PTPN3: variants seen among roughly 807,000 people sequenced by gnomAD.
The protein encoded by PTPN3 is tyrosine-protein phosphatase non-receptor type 3.
A neutral mutation model predicts 132.7 loss-of-function variants in PTPN3; 96 were observed. The ratio of observed to expected loss-of-function variants is 0.72; its 90% CI spans 0.61 to 0.86. PTPN3 has a LOEUF of 0.86. Among genes scored for constraint, PTPN3 ranks in the 40% least tolerant of loss-of-function variants. The pLI, the probability that PTPN3 is intolerant of heterozygous loss-of-function variation, is 0.00. For missense variants in PTPN3, 1,125 were observed against 1,159.6 expected (o/e 0.97, Z 0.43); for synonymous variants, 398 against 429.0 (o/e 0.93, Z 0.89).
At chr9:109,385,236 T>C (rs986815180) in intron 22 of PTPN3, among the ~76,000 whole-genome samples, 1 of 152,156 alleles carries the variant, frequency 6.6e-6, no homozygotes, top group African/African-American at 2.4e-5. Flanking sequence ...GGTGGTGTAG[T>C]GGAAAGAACA....
intron 1 of PTPN3, among the ~76,000 whole-genome samples, chr9:109,487,667 G>T (rs1255908640): frequency 6.6e-6 from 1 of 152,184 alleles, no homozygotes; most frequent in Non-Finnish European, 1.5e-5. Flanking sequence ...ACGAAAAGAA[G>T]AAAAAGACAG....
chr9:109,499,784 C>G (rs189206241), upstream of PTPN3, among the ~76,000 whole-genome samples: 5 of 152,328 alleles, frequency 3.3e-5, no homozygotes, highest in Middle Eastern at 0.01. Flanking sequence ...CAGCGGGTGC[C>G]GCCCGTGCAT....
At position 109,383,476 on chromosome 9, in the gene PTPN3, C is replaced by G. The variant is rs570425717; in HGVS notation, c.2329G>C (p.Glu777Gln). 6.2e-7 allele frequency: 1 copy of G among 1,614,116 alleles called. No homozygotes were observed. Among genetic ancestry groups the G allele is most frequent in the South Asian group, 1.1e-5 (1 of 91,072 alleles). ...HGGFHIQCQS[E>Q]DCTIAYVSRE... ...GACACATAGGCGATGGTGCAGTCCT[C>G]TGACTGACACTGGATGTGAAAGCCG... Residue 777 changes from glutamate to glutamine, a missense_variant, in exon 23 of 26, where the codon GAG becomes CAG. Coordinates refer to ENST00000374541, the MANE Select transcript of PTPN3 (RefSeq NM_002829.4).
intron 19 of PTPN3, among the ~76,000 whole-genome samples, chr9:109,393,405 A>G (rs1309871879): frequency 3.7e-4 from 34 of 90,670 alleles, no homozygotes; most frequent in African/African-American, 1.6e-3. Flanking sequence ...TTTTTTTTTG[A>G]GATGGAGCTT....
chr9:109,492,108 G>C (rs141940816), intron 1 of PTPN3, among the ~76,000 whole-genome samples: 62 of 152,206 alleles, frequency 4.1e-4, no homozygotes, highest in African/African-American at 1.4e-3. Context: ...GCAGGGGAGG[G>C]GACTCGGGGG....
chr9:109,417,925 G>A (rs376829718), intron 14 of PTPN3: 113 of 330,432 alleles, frequency 3.4e-4, no homozygotes, highest in African/African-American at 2.4e-3. Context: ...ATTGTGCAAT[G>A]TATAGGAACA....
chr9:109,445,241 T>C lies in PTPN3; in HGVS notation c.465A>G (p.Gln155=), dbSNP rs773839332. Residue 155 remains glutamine (Q), a splice_region_variant and synonymous_variant, in exon 7 of 26, where the codon CAA becomes CAG. Transcript: ENST00000374541. ...SAVVLASYAV[Q]SHFGDYNSSI... ...TGAAATGCTCCCTTTGTGACTTACA[T>C]TGTACGGCATAGGACGCTAGAACCA... The C allele has an allele frequency of 1.1e-5, 17 of 1,613,016 alleles. No homozygotes were observed. The highest frequency in any genetic ancestry group is 8.0e-5 in the African/African-American group (6 of 74,918).
At chr9:109,534,568 G>A in the PTPN3 span, among the ~76,000 whole-genome samples, 4 of 150,610 alleles carry the variant, frequency 2.7e-5, no homozygotes, top group Admixed American at 6.6e-5. Flanking sequence ...CCTGAGGTCA[G>A]GAGTTCGAGA....
At chr9:109,489,799 A>G (rs1255682685) in intron 1 of PTPN3, among the ~76,000 whole-genome samples, 7 of 151,920 alleles carry the variant, frequency 4.6e-5, no homozygotes, top group Admixed American at 2.6e-4. Flanking sequence ...CAGGCTCACT[A>G]TCTTCTCAGG....
intron 19 of PTPN3, chr9:109,392,779 T>G (rs1840240702): frequency 1.3e-5 from 2 of 152,264 alleles, no homozygotes; most frequent in South Asian, 4.1e-4. Flanking sequence ...AATTTTTGTA[T>G]TTTTAGTAGA....
intron 19 of PTPN3, among the ~76,000 whole-genome samples, chr9:109,401,843 C>T (rs1022005743): frequency 6.6e-6 from 1 of 152,130 alleles, no homozygotes; most frequent in Non-Finnish European, 1.5e-5. Flanking sequence ...TAATCCTAAT[C>T]ACCCCTTTAT....
rs758230869 is a variant in PTPN3 at position 109,376,522 on chromosome 9, G to A, written c.*3034C>T. ...AAGTTGCATTTTTTTCTTCTGGAAA[G>A]TCAAAACACCAAGTGCAGGTTCTAG... On this transcript the variant is annotated 3_prime_UTR_variant, in exon 26 of 26. Coordinates refer to ENST00000374541, the MANE Select transcript of PTPN3 (RefSeq NM_002829.4). 10 of 152,190 alleles carry A rather than the reference G, an allele frequency of 6.6e-5. No homozygotes were observed. Among genetic ancestry groups the A allele is most frequent in the Non-Finnish European group, 1.3e-4 (9 of 68,042 alleles). 9.4% of individuals were successfully genotyped at this position (152,190 alleles called of 1,614,324 possible).
chr9:109,478,078 A>G (rs187359804), intron 1 of PTPN3, among the ~76,000 whole-genome samples: 3 of 152,180 alleles, frequency 2.0e-5, no homozygotes, highest in East Asian at 1.9e-4. Context: ...GCTTCTTTCA[A>G]CCTGCCAGGA....
Position 109,377,746 on chromosome 9 carries a change from C to T in PTPN3, c.*1810G>A, listed in dbSNP as rs984110373. On this transcript the variant is annotated 3_prime_UTR_variant, in exon 26 of 26. Transcript: ENST00000374541. ...AGCCGATAAAAAGTCACATGAATAG[C>T]GTGATCTTATTCAATCCTCATGTTC... 5 of 152,178 alleles carry T rather than the reference C, an allele frequency of 3.3e-5. No homozygotes were observed. Among genetic ancestry groups the T allele is most frequent in the Admixed American group, 2.0e-4 (3 of 15,276 alleles). 9.4% of individuals were successfully genotyped at this position (152,178 alleles called of 1,614,324 possible).
chr9:109,484,409 G>T (rs1298801590), intron 1 of PTPN3, among the ~76,000 whole-genome samples: 1 of 152,222 alleles, frequency 6.6e-6, no homozygotes, highest in East Asian at 1.9e-4. Context: ...GATGGTCCCA[G>T]GCTCACCACC....
At chr9:109,416,994 T>C (rs576241592) in intron 14 of PTPN3, among the ~76,000 whole-genome samples, 2 of 152,348 alleles carry the variant, frequency 1.3e-5, no homozygotes, top group East Asian at 3.9e-4. Flanking sequence ...TCTCTTTCTT[T>C]AGGGAACATT....
At position 109,383,427 on chromosome 9, in the gene PTPN3, G is replaced by T; in HGVS notation, c.2378C>A (p.Thr793Asn). 1 of 1,613,982 alleles carries T rather than the reference G, an allele frequency of 6.2e-7. No homozygotes were observed. Residue 793 changes from threonine (T) to asparagine (N), a missense_variant, in exon 23 of 26, where the codon ACC becomes AAC. Physicochemically the swap from Thr to Asn is moderately conservative, Grantham distance 65 (BLOSUM62 0). Coordinates refer to ENST00000374541, the MANE Select transcript of PTPN3 (RefSeq NM_002829.4). ...GCCCCTCAGGCTGCGGCTCACCTGG[G>T]TGTTTGTGACCAGCATTTCTCGGGA... is the stretch of plus-strand genomic sequence containing the variant. ...YVSREMLVTN[T>N]QTGEEHTVTH...
chr9:109,449,918 CT>C lies in PTPN3; in HGVS notation c.369-1064del, dbSNP rs761982797. 6.5e-5 allele frequency: 64 copies of C among 985,280 alleles called. No individual in the cohort carries two copies. In the Middle Eastern group the frequency reaches 2.6e-3, roughly 40 times the overall value. 61.0% of individuals were successfully genotyped at this position (985,280 alleles called of 1,614,324 possible). On this transcript the variant is annotated intron_variant, in intron 5 of 25. Transcript: ENST00000374541. ...AACCTCCTATTTGCACAGTTCCGGG[CT>C]TTGTACATGGTACTACTTTGTAACT...
intron 19 of PTPN3, among the ~76,000 whole-genome samples, chr9:109,398,135 A>G (rs1371346628): frequency 6.6e-6 from 1 of 152,146 alleles, no homozygotes; most frequent in East Asian, 1.9e-4. Context: ...TTAGCTGGGC[A>G]TGGTGGCGCA....
Sources: gnomAD v4.1 joint callset for allele counts (sites outside exome capture counted in the v4.1 genomes callset) on GRCh38, gnomAD v4.1.1 for gene constraint, MANE v1.5 for transcripts, NCBI Gene and HGNC (gene_info 2026-07-23, HGNC 2026-07-21) for gene names.